Variants in RNF17 observed in about 807,000 individuals in gnomAD.
RNF17 encodes the protein spermatogenesis associated 23.
RNF17 carries 31 observed loss-of-function variants against 200.5 expected under a neutral mutation model. The observed-to-expected ratio is 0.15, with a 90% confidence interval of 0.12 to 0.21. The LOEUF (loss-of-function observed/expected upper bound fraction) is 0.21. Ranked by LOEUF, RNF17 falls within the 10% of genes least tolerant of loss-of-function variation. RNF17 has a pLI of 1.00. For synonymous variants in RNF17, 606 were observed against 637.8 expected (o/e 0.95, Z 0.75); for missense variants, 1,628 against 1,905.1 (o/e 0.85, Z 2.71).
chr13:24,784,569 G>A (rs1344623975), intron 6 of RNF17, among the ~76,000 whole-genome samples: 2 of 152,058 alleles, frequency 1.3e-5, no homozygotes, highest in Admixed American at 1.3e-4. Context: ...GTTGTGATAG[G>A]TTATGTGTTC....
chr13:24,870,796 C>A, intron 32 of RNF17, 57 bp downstream of exon 32: 1 of 1,476,152 alleles, frequency 6.8e-7, no homozygotes, highest in South Asian at 1.2e-5. Context: ...GATTTTGTTT[C>A]AATGGGCTGA....
At chr13:24,766,400 T>C (rs1435278057) in intron 1 of RNF17, among the ~76,000 whole-genome samples, 1 of 152,248 alleles carries the variant, frequency 6.6e-6, no homozygotes, top group African/African-American at 2.4e-5. Context: ...ATTATAAACT[T>C]CAAATTCTTA....
intron 15 of RNF17, among the ~76,000 whole-genome samples, chr13:24,815,312 T>G (rs1887245778): frequency 6.6e-6 from 1 of 152,170 alleles, no homozygotes; most frequent in East Asian, 1.9e-4. Flanking sequence ...ACGGAATTGC[T>G]TTTTTAAATT....
chr13:24,866,687 GGTT>G (rs1182984660), intron 30 of RNF17, among the ~76,000 whole-genome samples: 1 of 152,174 alleles, frequency 6.6e-6, no homozygotes, highest in Non-Finnish European at 1.5e-5. Flanking sequence ...TAGACACATG[GGTT>G]GTTTCCACCT....
chr13:24,793,624 T>C (rs923333056), intron 10 of RNF17, among the ~76,000 whole-genome samples: 1 of 152,238 alleles, frequency 6.6e-6, no homozygotes. Flanking sequence ...TTCTCACATA[T>C]AAGCCTTGTA....
At chr13:24,885,449 T>A in the RNF17 span, 1 of 1,260,724 alleles carries the variant, frequency 7.9e-7, no homozygotes. Flanking sequence ...CAGATTCTGA[T>A]ATAGGGTTCT....
chr13:24,767,426 C>T, intron 2 of RNF17, 60 bp downstream of exon 2: 3 of 1,171,730 alleles, frequency 2.6e-6, no homozygotes. Flanking sequence ...GGTAAAAATA[C>T]TACAGTAGTA....
rs34209003 is a variant in RNF17 at position 24,851,509 on chromosome 13, A to G, written c.3258A>G (p.Lys1086=). ...LPVKIFCRDE[K]GERVDVSKYL... ...TGAAAATTTTCTGCAGAGATGAAAA[A>G]GGAGAGCGTGTTGATGTTTCTAAAT... Residue 1086 remains lysine, a synonymous_variant, in exon 24 of 36, where the codon AAA becomes AAG. Transcript: ENST00000255324. 7,088 of 1,613,808 alleles carry G rather than the reference A, an allele frequency of 4.4e-3. 31 individuals are homozygous for G. The highest frequency in any genetic ancestry group is 5.3e-3 in the Non-Finnish European group (6,257 of 1,179,838).
chr13:24,881,896 CTA>C (rs1219506943), downstream of RNF17, among the ~76,000 whole-genome samples: 1 of 124,430 alleles, frequency 8.0e-6, no homozygotes, highest in Non-Finnish European at 1.8e-5. Flanking sequence ...ATAGATACAT[CTA>C]TATAGATATA....
chr13:24,821,641 A>AT (rs200840628), intron 15 of RNF17, among the ~76,000 whole-genome samples: 1 of 151,604 alleles, frequency 6.6e-6, no homozygotes, highest in Admixed American at 6.6e-5. Context: ...CCTCTATTGA[A>AT]TTTTTTCTCC....
intron 15 of RNF17, among the ~76,000 whole-genome samples, chr13:24,807,647 T>G (rs996053558): frequency 6.6e-6 from 1 of 152,038 alleles, no homozygotes; most frequent in South Asian, 2.1e-4. Context: ...CTCTTTAGTT[T>G]AATTAGATCC....
the RNF17 span, chr13:24,750,796 C>G: frequency 1.3e-5 from 2 of 152,096 alleles, no homozygotes; most frequent in Non-Finnish European, 2.9e-5. Context: ...ACTCTCGAAA[C>G]AGCAGCCTTG....
At chr13:24,749,255 A>G in the RNF17 span, among the ~76,000 whole-genome samples, 393 of 151,674 alleles carry the variant, frequency 2.6e-3, no homozygotes, top group African/African-American at 9.2e-3. Flanking sequence ...AAAGATGAAG[A>G]GTGCAGCAGC....
intron 13 of RNF17, among the ~76,000 whole-genome samples, 180 bp from the exon 14 acceptor site, chr13:24,802,201 G>A (rs1885331979): frequency 6.6e-6 from 1 of 152,118 alleles, no homozygotes; most frequent in Non-Finnish European, 1.5e-5. Flanking sequence ...GGCCAGGCTG[G>A]TCTTGAACTC....
At chr13:24,829,068 GA>G (rs1448690860) in intron 16 of RNF17, among the ~76,000 whole-genome samples, 3 of 152,060 alleles carry the variant, frequency 2.0e-5, no homozygotes, top group Non-Finnish European at 4.4e-5. Flanking sequence ...TTACAGGTGT[GA>G]GCCATCACAT....
chr13:24,773,415 A>G (rs576128393), intron 2 of RNF17, among the ~76,000 whole-genome samples: 1 of 152,362 alleles, frequency 6.6e-6, no homozygotes, highest in South Asian at 2.1e-4. Context: ...ACATGGATGC[A>G]GCTGAAGGCC....
At chr13:24,806,787 A>T in intron 15 of RNF17, among the ~76,000 whole-genome samples, 1 of 132,176 alleles carries the variant, frequency 7.6e-6, no homozygotes, top group East Asian at 2.7e-4. Context: ...TCCCAATGCT[A>T]TCCCTCCCCC....
At chr13:24,796,050 C>G in intron 10 of RNF17, 87 bp from the exon 11 acceptor site, 1 of 1,028,924 alleles carries the variant, frequency 9.7e-7, no homozygotes, top group Non-Finnish European at 1.4e-6. Context: ...ATAAGACACT[C>G]TTTTAGAGGC....
chr13:24,836,961 A>G (rs533383432), intron 18 of RNF17, among the ~76,000 whole-genome samples: 1 of 152,232 alleles, frequency 6.6e-6, no homozygotes, highest in Admixed American at 6.5e-5. Context: ...CCAACCAACC[A>G]TCTCCTGCCT....
Sources: gnomAD v4.1 joint callset for allele counts (sites outside exome capture counted in the v4.1 genomes callset) on GRCh38, gnomAD v4.1.1 for gene constraint, MANE v1.5 for transcripts, NCBI Gene and HGNC (gene_info 2026-07-23, HGNC 2026-07-21) for gene names.